Variants in GRAMD2B observed in about 807,000 individuals in gnomAD.
GRAMD2B encodes GRAM domain containing 2B.
Under a neutral mutation model 59.2 loss-of-function variants are expected in GRAMD2B, and 41 were observed. The ratio of observed to expected loss-of-function variants is 0.69; its 90% CI spans 0.54 to 0.90. The LOEUF (loss-of-function observed/expected upper bound fraction) is 0.90. Ranked by LOEUF, GRAMD2B falls within the 40% of genes least tolerant of loss-of-function variation. The pLI is 0.00. For missense variants in GRAMD2B, 424 were observed against 500.5 expected (o/e 0.85, Z 1.46); for synonymous variants, 161 against 182.7 (o/e 0.88, Z 0.96).
chr5:126,473,782 A>G (rs569247663), intron 5 of GRAMD2B, among the ~76,000 whole-genome samples: 1 of 152,302 alleles, frequency 6.6e-6, no homozygotes, highest in East Asian at 1.9e-4. Flanking sequence ...TATACCAGTT[A>G]CCAGTGATGC....
chr5:126,454,674 G>A (rs1351626725), intron 1 of GRAMD2B, among the ~76,000 whole-genome samples: 2 of 152,138 alleles, frequency 1.3e-5, no homozygotes, highest in Non-Finnish European at 2.9e-5. Flanking sequence ...TGAGAACAGA[G>A]GGGTCTTCTT....
chr5:126,367,430 ACT>A (rs1754507131), upstream of GRAMD2B, among the ~76,000 whole-genome samples: 1 of 109,738 alleles, frequency 9.1e-6, no homozygotes, highest in African/African-American at 3.8e-5. Context: ...ACCTGTAAAA[ACT>A]GGAGGAGGAG....
intron 1 of GRAMD2B, among the ~76,000 whole-genome samples, chr5:126,373,084 C>T (rs1754901471): frequency 6.6e-6 from 1 of 152,108 alleles, no homozygotes; most frequent in Admixed American, 6.5e-5. Flanking sequence ...ATGTCACCCG[C>T]ATATTTGAGT....
intron 1 of GRAMD2B, chr5:126,465,060 G>C: frequency 9.6e-7 from 1 of 1,039,482 alleles, no homozygotes. Context: ...CCTGCAGGAG[G>C]CCACACGTGA....
chr5:126,462,216 G>A (rs1486443942), intron 1 of GRAMD2B: 1 of 153,662 alleles, frequency 6.5e-6, no homozygotes, highest in South Asian at 2.1e-4. Context: ...AATAAAAACT[G>A]ATTTCCTTAT....
chr5:126,487,544 C>A (rs1045617278), intron 12 of GRAMD2B, among the ~76,000 whole-genome samples: 1 of 152,080 alleles, frequency 6.6e-6, no homozygotes, highest in African/African-American at 2.4e-5. Context: ...TTACAAGAAG[C>A]TTTTGACACA....
rs755593682 is a variant in GRAMD2B at position 126,473,388 on chromosome 5, A to G, written c.486+20A>G. 17 of 942,526 alleles carry G rather than the reference A, an allele frequency of 1.8e-5. No homozygotes were observed. Among genetic ancestry groups the G allele is most frequent in the Non-Finnish European group, 2.7e-5 (17 of 622,826 alleles). 58.4% of individuals were successfully genotyped at this position (942,526 alleles called of 1,614,324 possible). A position where few individuals can be genotyped will look rare whatever the true frequency, so the allele number is the denominator to read the frequency against. Reference sequence around the variant, plus strand: ...ACAAAGGTTGGTATAATTAAAAAAAAAAATGCTAACCCTATACTTTATTAT... The same window carrying G: ...ACAAAGGTTGGTATAATTAAAAAAAGAAATGCTAACCCTATACTTTATTAT... On this transcript the variant is annotated intron_variant, in intron 5 of 13. Transcript: ENST00000285689.
intron 1 of GRAMD2B, among the ~76,000 whole-genome samples, chr5:126,443,907 C>A (rs1414277285): frequency 6.6e-6 from 1 of 152,100 alleles, no homozygotes; most frequent in Non-Finnish European, 1.5e-5. Flanking sequence ...CAAAAATTAG[C>A]TGGACGTGGT....
intron 1 of GRAMD2B, among the ~76,000 whole-genome samples, chr5:126,394,671 G>A (rs558063211): frequency 2.6e-5 from 4 of 152,236 alleles, no homozygotes; most frequent in African/African-American, 4.8e-5. Context: ...CTCTACACAC[G>A]TGAGTGAAAT....
At chr5:126,389,856 G>C (rs1756559193) in intron 1 of GRAMD2B, among the ~76,000 whole-genome samples, 1 of 152,090 alleles carries the variant, frequency 6.6e-6, no homozygotes, top group Non-Finnish European at 1.5e-5. Context: ...GCTGAGGCAA[G>C]AGAATTTCTT....
intron 1 of GRAMD2B, among the ~76,000 whole-genome samples, chr5:126,458,218 T>G (rs1467512764): frequency 6.6e-6 from 1 of 152,090 alleles, no homozygotes; most frequent in African/African-American, 2.4e-5. Flanking sequence ...GTGGATCACT[T>G]GAGGTCAGGA....
In GRAMD2B at chr5:126,483,419, C is replaced by T. The variant is rs143213795; in HGVS notation, c.736-44C>T. ...GGAGTTACAAAGGCCTGCCTGTTTA[C>T]TAAGGGAATATCAGCCTGTCTTCAT... On this transcript the variant is annotated intron_variant, in intron 8 of 13. Transcript: ENST00000285689. 2,459 of 1,226,892 alleles carry T rather than the reference C, an allele frequency of 2.0e-3. 32 individuals carry two copies. The highest frequency in any genetic ancestry group is 0.018 in the South Asian group (1,503 of 82,324). 76.0% of individuals were successfully genotyped at this position (1,226,892 alleles called of 1,614,324 possible).
At chr5:126,466,090 G>A (rs1166680590) in intron 2 of GRAMD2B, among the ~76,000 whole-genome samples, 1 of 152,184 alleles carries the variant, frequency 6.6e-6, no homozygotes, top group East Asian at 1.9e-4. Context: ...AGTTGGTAGA[G>A]ACTAAAGTTG....
chr5:126,423,797 A>C, intron 1 of GRAMD2B, 108 bp downstream of exon 1: 2 of 1,049,840 alleles, frequency 1.9e-6, no homozygotes, highest in Non-Finnish European at 2.7e-6. Context: ...GAGCTCCTAT[A>C]TGGACAATCT....
intron 2 of GRAMD2B, among the ~76,000 whole-genome samples, chr5:126,467,864 G>A (rs538094611): frequency 6.6e-6 from 1 of 152,296 alleles, no homozygotes; most frequent in Non-Finnish European, 1.5e-5. Context: ...ATACACTGTA[G>A]TGGCTAGAAG....
chr5:126,464,678 G>T (rs538910141), intron 1 of GRAMD2B, among the ~76,000 whole-genome samples: 1 of 152,182 alleles, frequency 6.6e-6, no homozygotes, highest in Non-Finnish European at 1.5e-5. Flanking sequence ...AGACCCCGTG[G>T]TTAAGACAAA....
chr5:126,374,914 G>C (rs1204518594), intron 1 of GRAMD2B, among the ~76,000 whole-genome samples: 1 of 152,076 alleles, frequency 6.6e-6, no homozygotes, highest in African/African-American at 2.4e-5. Flanking sequence ...TTGACCCTTT[G>C]TTCTTCCACT....
chr5:126,400,275 A>G lies in GRAMD2B; in HGVS notation c.125+28708A>G, dbSNP rs143945466. Among the ~76,000 whole-genome samples the G allele has an allele frequency of 7.6e-3, 1,155 of 152,216 alleles. 13 individuals are homozygous for G. The highest frequency in any genetic ancestry group is 0.026 in the African/African-American group (1,078 of 41,564). Reference sequence around the variant, plus strand: ...ATGGTAATCACAAGGAACATCTTATAATTATGTTATAACAGTTAGCTTATT... The same window carrying G: ...ATGGTAATCACAAGGAACATCTTATGATTATGTTATAACAGTTAGCTTATT... On this transcript the variant is annotated intron_variant, in intron 1 of 8. Transcript: ENST00000506445.
chr5:126,389,499 A>C (rs1756506040), intron 1 of GRAMD2B, among the ~76,000 whole-genome samples: 1 of 152,162 alleles, frequency 6.6e-6, no homozygotes, highest in African/African-American at 2.4e-5. Context: ...CTATTGTTTT[A>C]TAGTCTTCTA....
Sources: allele counts gnomAD v4.1 joint callset (sites outside exome capture counted in the v4.1 genomes callset), GRCh38; gene constraint gnomAD v4.1.1; transcripts MANE v1.5; gene names NCBI Gene and HGNC (gene_info 2026-07-23, HGNC 2026-07-21).